The following AJAP1 variants were observed in gnomAD, a reference collection of about 807,000 sequenced individuals.
AJAP1 encodes adherens junction-associated protein 1.
AJAP1 carries 5 observed loss-of-function variants against 35.0 expected under a neutral mutation model. The ratio of observed to expected loss-of-function variants is 0.14; its 90% confidence interval spans 0.07 to 0.30. The LOEUF (loss-of-function observed/expected upper bound fraction) is 0.30. Ranked by LOEUF, AJAP1 falls within the 10% of genes least tolerant of loss-of-function variation. The pLI is 1.00. For synonymous variants in AJAP1, 284 were observed against 249.3 expected (o/e 1.14, Z -1.31); for missense variants, 586 against 571.0 (o/e 1.03, Z -0.27).
intron 2 of AJAP1, among the ~76,000 whole-genome samples, chr1:4,737,579 G>T (rs928420789): frequency 6.6e-6 from 1 of 151,934 alleles, no homozygotes; most frequent in Non-Finnish European, 1.5e-5. Flanking sequence ...CCAGACTCCT[G>T]AGGCCCTTGT....
intron 2 of AJAP1, among the ~76,000 whole-genome samples, chr1:4,721,954 G>A (rs529491508): frequency 4.6e-5 from 7 of 152,308 alleles, no homozygotes; most frequent in African/African-American, 7.2e-5. Flanking sequence ...CTTCACTGGA[G>A]GGGTCCGGTG....
intron 1 of AJAP1, among the ~76,000 whole-genome samples, chr1:4,672,244 C>T (rs1639266678): frequency 6.6e-6 from 1 of 152,050 alleles, no homozygotes; most frequent in African/African-American, 2.4e-5. Flanking sequence ...GTTATTGGAC[C>T]CCAAATCACT....
intron 2 of AJAP1, among the ~76,000 whole-genome samples, chr1:4,727,225 A>C (rs1410896987): frequency 6.6e-6 from 1 of 152,186 alleles, no homozygotes; most frequent in African/African-American, 2.4e-5. Context: ...GGGCAGCAGG[A>C]GAGGCCAGGA....
chr1:4,770,818 G>C (rs1045787902), intron 3 of AJAP1, among the ~76,000 whole-genome samples: 11 of 152,182 alleles, frequency 7.2e-5, no homozygotes, highest in Non-Finnish European at 1.6e-4. Flanking sequence ...GGCTGCAGGA[G>C]GGTGGGGGTA....
intron 1 of AJAP1, among the ~76,000 whole-genome samples, chr1:4,710,631 G>A (rs910936274): frequency 9.8e-5 from 15 of 152,376 alleles, no homozygotes; most frequent in African/African-American, 3.6e-4. Context: ...TCAGGCTGGC[G>A]CTTGGCACCT....
chr1:4,750,430 A>C (rs560885403), intron 2 of AJAP1, among the ~76,000 whole-genome samples: 2 of 152,340 alleles, frequency 1.3e-5, no homozygotes, highest in South Asian at 2.1e-4. Flanking sequence ...TGTCATCCTC[A>C]TAACTGTTTT....
intron 1 of AJAP1, among the ~76,000 whole-genome samples, chr1:4,667,329 C>T (rs945185506): frequency 2.6e-5 from 4 of 152,188 alleles, no homozygotes; most frequent in Non-Finnish European, 4.4e-5. Context: ...GAGTCTCTTG[C>T]TGCTTCTCCA....
At chr1:4,763,935 C>T (rs1013835464) in intron 2 of AJAP1, among the ~76,000 whole-genome samples, 1 of 151,550 alleles carries the variant, frequency 6.6e-6, no homozygotes, top group Non-Finnish European at 1.5e-5. Flanking sequence ...CCACACCTTC[C>T]AAGGTTCCTG....
intron 2 of AJAP1, among the ~76,000 whole-genome samples, chr1:4,721,303 A>G (rs1458285202): frequency 1.3e-5 from 2 of 152,160 alleles, no homozygotes; most frequent in Admixed American, 6.5e-5. Flanking sequence ...CTCCCACCAC[A>G]TACCTCTTCC....
At chr1:4,775,668 T>C (rs1165253042) in intron 5 of AJAP1, among the ~76,000 whole-genome samples, 1 of 152,078 alleles carries the variant, frequency 6.6e-6, no homozygotes, top group Non-Finnish European at 1.5e-5. Context: ...CCAAATCAAA[T>C]CTCCAGCCCT....
rs534817989 is a variant in AJAP1, at chr1:4,704,279, G to A, written c.30-7621G>A. On this transcript the variant is annotated intron_variant, in intron 1 of 5. Transcript: ENST00000378191. Reference sequence around the variant, plus strand: ...CCATTAACTCATCATTTAGCATTAGGTATATCTCCAAATGCTATCCTTCCC... The same window carrying A: ...CCATTAACTCATCATTTAGCATTAGATATATCTCCAAATGCTATCCTTCCC... Among the ~76,000 whole-genome samples, 25 of 151,434 alleles carry A rather than the reference G, an allele frequency of 1.7e-4. No homozygotes were observed. The East Asian group carries it at 4.5e-3, about 27-fold the overall frequency.
chr1:4,710,649 C>T (rs1230285615), intron 1 of AJAP1, among the ~76,000 whole-genome samples: 5 of 152,252 alleles, frequency 3.3e-5, no homozygotes, highest in African/African-American at 1.2e-4. Context: ...CCTGAACACC[C>T]TCGCGCCCCC....
intron 2 of AJAP1, among the ~76,000 whole-genome samples, chr1:4,732,442 C>G (rs1250348801): frequency 6.6e-6 from 1 of 152,288 alleles, no homozygotes; most frequent in Non-Finnish European, 1.5e-5. Context: ...GCTACCCTGC[C>G]CTGTGGCTTT....
At chr1:4,711,448 TCC>T (rs1640232169) in intron 1 of AJAP1, among the ~76,000 whole-genome samples, 1 of 152,074 alleles carries the variant, frequency 6.6e-6, no homozygotes, top group African/African-American at 2.4e-5. Context: ...GGCCCTGGGG[TCC>T]CAGGTGGAGG....
intron 2 of AJAP1, among the ~76,000 whole-genome samples, chr1:4,756,385 C>A (rs931014413): frequency 6.6e-6 from 1 of 152,174 alleles, no homozygotes; most frequent in African/African-American, 2.4e-5. Flanking sequence ...GCGGTAGTCT[C>A]ATGGCATGGC....
Position 4,711,989 on chromosome 1 carries a change from C to A in AJAP1, c.119C>A (p.Ala40Asp). Residue 40 changes from alanine to aspartate, a missense_variant, in exon 2 of 6, where the codon GCC becomes GAC. Physicochemically the swap from Ala to Asp is moderately radical, Grantham distance 126. Coordinates refer to ENST00000378191, the MANE Select transcript of AJAP1 (RefSeq NM_018836.4). ...AMFQLAVDLPACEALGPGPEF... is the reference protein window; with the variant it reads ...AMFQLAVDLPDCEALGPGPEF... Reference sequence around the variant, plus strand: ...TTTCAGCTCGCCGTGGACCTGCCCGCCTGTGAGGCCCTGGGCCCGGGGCCG... The same window carrying A: ...TTTCAGCTCGCCGTGGACCTGCCCGACTGTGAGGCCCTGGGCCCGGGGCCG... 1 of 1,593,512 alleles carries A rather than the reference C, an allele frequency of 6.3e-7. No homozygotes were observed. Among genetic ancestry groups the A allele is most frequent in the East Asian group, 2.4e-5 (1 of 42,398 alleles).
rs539348544 is a variant in AJAP1 at position 4,670,460 on chromosome 1, G to A, written c.29+15006G>A. ...ACCCAAGTCGACATTGATCCTTTTA[G>A]TATGACATCAGCCCTGACCCACAGT... On this transcript the variant is annotated intron_variant, in intron 1 of 5. Transcript: ENST00000378191. Among the ~76,000 whole-genome samples the A allele has an allele frequency of 7.2e-5, 11 of 152,288 alleles. No individual in the cohort carries two copies. In the East Asian group the frequency reaches 1.2e-3, roughly 16 times the overall value.
intron 2 of AJAP1, among the ~76,000 whole-genome samples, chr1:4,726,483 T>C (rs2100291200): frequency 6.6e-6 from 1 of 152,112 alleles, no homozygotes; most frequent in Non-Finnish European, 1.5e-5. Flanking sequence ...GTGGTGTGGG[T>C]GCTCCTGGGA....
intron 2 of AJAP1, among the ~76,000 whole-genome samples, chr1:4,712,969 C>T (rs1640300334): frequency 6.6e-6 from 1 of 152,204 alleles, no homozygotes; most frequent in Admixed American, 6.5e-5. Context: ...TAGGGACCAG[C>T]TGAATCCACC....
Sources: allele counts gnomAD v4.1 joint callset (sites outside exome capture counted in the v4.1 genomes callset), GRCh38; gene constraint gnomAD v4.1.1; transcripts MANE v1.5; gene names NCBI Gene and HGNC (gene_info 2026-07-23, HGNC 2026-07-21).